The following ARHGEF16 variants were observed in gnomAD, a reference collection of about 807,000 sequenced individuals.
The protein encoded by ARHGEF16 is Rho guanine nucleotide exchange factor 16, also known as Rho guanine exchange factor (GEF) 16.
Under a neutral mutation model 74.1 loss-of-function variants are expected in ARHGEF16, and 59 were observed. That is an observed-to-expected ratio of 0.80 (90% CI 0.65 to 0.99). ARHGEF16 has a LOEUF of 0.99. Ranked by LOEUF, ARHGEF16 falls within the 50% of genes least tolerant of loss-of-function variation. The pLI is 0.00. For synonymous variants in ARHGEF16, 415 were observed against 412.6 expected, an observed-to-expected ratio of 1.01 and a Z score of -0.07; for missense variants, 948 against 986.6, an observed-to-expected ratio of 0.96 and a Z score of 0.52.
Position 3,463,203 on chromosome 1 carries a change from G to C in ARHGEF16, c.119G>C (p.Gly40Ala), listed in dbSNP as rs1029499818. 6 of 1,543,866 alleles carry C rather than the reference G, an allele frequency of 3.9e-6. No individual in the cohort carries two copies. In the Admixed American group the frequency reaches 1.2e-4, roughly 31 times the overall value. ...NPASGLPMVR[G>A]SPRVRDDAAF... Reference sequence around the variant, plus strand: ...GCCTCCGGGCTCCCAATGGTCCGTGGCTCCCCGCGTGTTAGAGACGATGCC... The same window carrying C: ...GCCTCCGGGCTCCCAATGGTCCGTGCCTCCCCGCGTGTTAGAGACGATGCC... The change falls in exon 2 of 15, where the codon GGC becomes GCC. Residue 40 changes from glycine (G) to alanine (A), a missense_variant. Gly to Ala is a moderately conservative substitution (Grantham distance 60). Transcript: ENST00000378378.
In ARHGEF16 at chr1:3,478,519, AC is replaced by A; in HGVS notation, c.1723del (p.Arg575ValfsTer11). ...GAGCTCCCTCTGCCCGGGGGCGGCAACCGTAGCTCCTCCGTGCCCCACCCCT... is the reference window on the plus strand; with the variant it reads ...GAGCTCCCTCTGCCCGGGGGCGGCAACGTAGCTCCTCCGTGCCCCACCCCT... Reference protein sequence around the residue: ...PSELPLPGGGNRSSSVPHPFQ... With the variant: ...PSELPLPGGGXRSSSVPHPFQ... On this transcript the variant is annotated frameshift_variant, in exon 12 of 15. Transcript: ENST00000378378. LOFTEE classifies it high-confidence loss of function. 1 of 1,612,628 alleles carries A rather than the reference AC, an allele frequency of 6.2e-7. No individual in the cohort carries two copies. The highest frequency in any genetic ancestry group is 2.2e-5 in the East Asian group (1 of 44,872).
Position 3,463,070 on chromosome 1 carries a change from C to T in ARHGEF16, c.-15C>T, listed in dbSNP as rs1639441075. On this transcript the variant is annotated 5_prime_UTR_variant, in exon 2 of 15. Transcript: ENST00000378378. ...TCACTTCTGCCCTTCCCCCAGGACC[C>T]CACAGCCGCCCAGCATGGCCCAGCG... 6.9e-7 allele frequency: 1 copy of T among 1,446,810 alleles called. No individual in the cohort carries two copies. The allele number at this position is 1,446,810 out of a possible 1,614,324, so 89.6% of individuals were successfully genotyped here.
At chr1:3,472,584 G>T (rs535426053) in intron 6 of ARHGEF16, among the ~76,000 whole-genome samples, 1 of 152,156 alleles carries the variant, frequency 6.6e-6, no homozygotes, top group Non-Finnish European at 1.5e-5. Context: ...CCCAGGCATC[G>T]CCCCTCTTTG....
intron 4 of ARHGEF16, among the ~76,000 whole-genome samples, chr1:3,467,688 G>T (rs1639587402): frequency 6.6e-6 from 1 of 152,226 alleles, no homozygotes; most frequent in South Asian, 2.1e-4. Context: ...TGGGATGGGA[G>T]GGGCCGGGAC....
At position 3,467,297 on chromosome 1, in the gene ARHGEF16, G is replaced by C. The variant is rs894088724; in HGVS notation, c.764G>C (p.Ser255Thr). ...QKVDATIVVKSYRPAQVTWSQ... is the reference protein window; with the variant it reads ...QKVDATIVVKTYRPAQVTWSQ... ...GTGGACGCCACCATTGTGGTCAAGAGCTACCGGCCCGCCCAGGTCACCTGG... is the reference window on the plus strand; with the variant it reads ...GTGGACGCCACCATTGTGGTCAAGACCTACCGGCCCGCCCAGGTCACCTGG... Residue 255 changes from serine (S) to threonine (T), a missense_variant, in exon 4 of 15, where the codon AGC (serine) becomes ACC (threonine). Ser to Thr is a moderately conservative substitution (Grantham distance 58). Transcript: ENST00000378378. The C allele has an allele frequency of 2.6e-6, 4 of 1,550,132 alleles. No homozygotes were observed. Among genetic ancestry groups the C allele is most frequent in the Non-Finnish European group, 3.5e-6 (4 of 1,146,844 alleles).
chr1:3,480,891 G>A lies in ARHGEF16; in HGVS notation c.*304G>A, dbSNP rs1051515. The A allele has an allele frequency of 0.81, 378,962 of 467,148 alleles. 158,334 individuals are homozygous for A. The highest frequency in any genetic ancestry group is 0.89 in the South Asian group (31,995 of 36,082). 28.9% of individuals were successfully genotyped at this position (467,148 alleles called of 1,614,324 possible). A position where few individuals can be genotyped will look rare whatever the true frequency, so the allele number is the denominator to read the frequency against. On this transcript the variant is annotated 3_prime_UTR_variant, in exon 15 of 15. Transcript: ENST00000378378. ...CCCACCTCCCCACTGCACCCAGGGG[G>A]CAACTCCACCTGGACTGATGGGCAC...
At position 3,469,420 on chromosome 1, in the gene ARHGEF16, C is replaced by A; in HGVS notation, c.862-13C>A. 1 of 1,612,536 alleles carries A rather than the reference C, an allele frequency of 6.2e-7. No individual in the cohort carries two copies. The highest frequency in any genetic ancestry group is 1.1e-5 in the South Asian group (1 of 91,058). Reference sequence around the variant, plus strand: ...AGCGTCACTGTGGGGCTCACCTAGGCCCCTCTCCACAGGCCATGTTCGAGA... The same window carrying A: ...AGCGTCACTGTGGGGCTCACCTAGGACCCTCTCCACAGGCCATGTTCGAGA... On this transcript the variant is annotated splice_polypyrimidine_tract_variant and intron_variant, in intron 5 of 14. Transcript: ENST00000378378.
At chr1:3,462,104 C>T (rs913772510) in intron 1 of ARHGEF16, among the ~76,000 whole-genome samples, 1 of 127,096 alleles carries the variant, frequency 7.9e-6, no homozygotes, top group Non-Finnish European at 1.7e-5. Flanking sequence ...GTGGCGGGGG[C>T]GGGGCAGCCC....
Position 3,476,017 on chromosome 1 carries a change from G to A in ARHGEF16, c.1428G>A (p.Glu476=), listed in dbSNP as rs921951906. The stretch of plus-strand genomic sequence containing the variant: ...GGGCCCACAGGATGGAGCGCATGGA[G>A]CAGATGTACACGCTGCACACACAGC... ...NEGAHRMERM[E]QMYTLHTQLD... The change falls in exon 10 of 15, where the codon GAG becomes GAA. Residue 476 remains glutamate (E), a synonymous_variant. Coordinates refer to ENST00000378378, the MANE Select transcript of ARHGEF16 (RefSeq NM_014448.4). 5 of 1,557,916 alleles carry A rather than the reference G, an allele frequency of 3.2e-6. No homozygotes were observed. Among genetic ancestry groups the A allele is most frequent in the East Asian group, 2.4e-5 (1 of 41,690 alleles).
chr1:3,474,839 A>ACCCCC, intron 9 of ARHGEF16, 57 bp downstream of exon 9: 1 of 1,159,078 alleles, frequency 8.6e-7, no homozygotes, highest in Non-Finnish European at 1.1e-6. Flanking sequence ...CCCTGTCCCC[A>ACCCCC]CCCAACCCCA....
intron 8 of ARHGEF16, 30 bp from the exon 9 acceptor site, chr1:3,474,678 C>T (rs781554022): frequency 6.2e-7 from 1 of 1,605,238 alleles, no homozygotes; most frequent in Non-Finnish European, 8.5e-7. Flanking sequence ...CCAGAGGGGA[C>T]TTTCTGTCCC....
At chr1:3,471,862 G>A (rs1639734031) in intron 6 of ARHGEF16, 12 of 1,029,040 alleles carry the variant, frequency 1.2e-5, no homozygotes, top group East Asian at 1.1e-4. Context: ...GCTGCTGACC[G>A]GCCTGGCCGG....
intron 6 of ARHGEF16, among the ~76,000 whole-genome samples, chr1:3,472,238 C>T (rs936667917): frequency 1.3e-5 from 2 of 152,254 alleles, no homozygotes; most frequent in Non-Finnish European, 2.9e-5. Context: ...CCGCCTCACA[C>T]AGCAGGTGAC....
At position 3,473,627 on chromosome 1, in the gene ARHGEF16, G is replaced by C. The variant is rs758865697; in HGVS notation, c.1305+105G>C. ...TACGTGCTTGTGACCTTCTCCTCCAGGCTTGGCCTATGATATTGTAATAGT... is the reference window on the plus strand; with the variant it reads ...TACGTGCTTGTGACCTTCTCCTCCACGCTTGGCCTATGATATTGTAATAGT... On this transcript the variant is annotated intron_variant, in intron 8 of 14. Transcript: ENST00000378378. The C allele has an allele frequency of 1.9e-6, 3 of 1,548,104 alleles. No individual in the cohort carries two copies. The South Asian group carries it at 3.4e-5, about 17-fold the overall frequency.
At position 3,463,680 on chromosome 1, in the gene ARHGEF16, C is replaced by A. The variant is rs1639467088; in HGVS notation, c.588+8C>A. 10 of 1,408,280 alleles carry A rather than the reference C, an allele frequency of 7.1e-6. No homozygotes were observed. The South Asian group carries it at 9.0e-5, about 13-fold the overall frequency. 87.2% of individuals were successfully genotyped at this position (1,408,280 alleles called of 1,614,324 possible). A position where few individuals can be genotyped will look rare whatever the true frequency, so the allele number is the denominator to read the frequency against. On this transcript the variant is annotated splice_region_variant and intron_variant, in intron 2 of 14. Transcript: ENST00000378378. ...AGCCCGGCCAAAAACAAGGTAGGGG[C>A]CTGCTCGTGTGGACCGTGGGGAGGG... is the stretch of plus-strand genomic sequence containing the variant.
intron 6 of ARHGEF16, chr1:3,471,917 A>T: frequency 2.5e-6 from 2 of 795,996 alleles, no homozygotes; most frequent in Non-Finnish European, 1.6e-6. Flanking sequence ...CCAGCAACCG[A>T]GGCCTCCCAT....
chr1:3,472,998 G>C (rs937642254), intron 6 of ARHGEF16, 80 bp from the exon 7 acceptor site: 2 of 1,481,462 alleles, frequency 1.4e-6, no homozygotes, highest in African/African-American at 2.8e-5. Context: ...GAGTGTGCAT[G>C]CAGATGCATG....
rs755568262 is a variant in ARHGEF16 at position 3,467,308 on chromosome 1, G to T, written c.775G>T (p.Ala259Ser). ...ATIVVKSYRP[A>S]QVTWSQLPEV... ...CATTGTGGTCAAGAGCTACCGGCCC[G>T]CCCAGGTCACCTGGAGCCAGCTCCC... The change falls in exon 4 of 15, where the codon GCC (alanine) becomes TCC (serine). Residue 259 changes from alanine (A) to serine (S), a missense_variant. Transcript: ENST00000378378. 3.2e-6 allele frequency: 5 copies of T among 1,549,898 alleles called. No homozygotes were observed. The South Asian group carries it at 5.9e-5, about 18-fold the overall frequency.
In ARHGEF16 at chr1:3,463,275, G is replaced by T. The variant is rs770603333; in HGVS notation, c.191G>T (p.Gly64Val). The change falls in exon 2 of 15, where the codon GGG becomes GTG. Residue 64 changes from glycine to valine, a missense_variant. Coordinates refer to ENST00000378378, the MANE Select transcript of ARHGEF16 (RefSeq NM_014448.4). ...VPAPPQPRPP[G>V]HEEPWPIVLS... Reference sequence around the variant, plus strand: ...GCACCCCCACAGCCTCGGCCCCCGGGGCACGAGGAGCCATGGCCCATCGTC... The same window carrying T: ...GCACCCCCACAGCCTCGGCCCCCGGTGCACGAGGAGCCATGGCCCATCGTC... 32 of 1,549,802 alleles carry T rather than the reference G, an allele frequency of 2.1e-5. 1 individual carries two copies. In the South Asian group the frequency reaches 3.1e-4, roughly 15 times the overall value.
Sources: allele counts gnomAD v4.1 joint callset (sites outside exome capture counted in the v4.1 genomes callset), GRCh38; gene constraint gnomAD v4.1.1; transcripts MANE v1.5; gene names NCBI Gene and HGNC (gene_info 2026-07-23, HGNC 2026-07-21).